Variants in TG observed in about 807,000 individuals in gnomAD.
TG encodes the protein thyroglobulin, also known as thyroid hormones.
Under a neutral mutation model 324.7 loss-of-function variants are expected in TG, and 270 were observed. That is an observed-to-expected ratio of 0.83 (90% CI 0.75 to 0.92). The LOEUF (loss-of-function observed/expected upper bound fraction) is 0.92. Ranked by LOEUF, TG falls within the 40% of genes least tolerant of loss-of-function variation. The probability of loss-of-function intolerance (pLI) is 0.00; values close to 1 mark genes in which losing one functional copy is unlikely to be tolerated. For missense variants in TG, 3,591 were observed against 3,456.4 expected (o/e 1.04, Z -0.98); for synonymous variants, 1,401 against 1,327.0 (o/e 1.06, Z -1.21).
chr8:133,058,592 G>A lies in TG; in HGVS notation c.7239+28569G>A, dbSNP rs576288298. 7.2e-5 allele frequency among the ~76,000 whole-genome samples: 11 copies of A among 152,272 alleles called. 1 individual carries two copies. The South Asian group carries it at 8.3e-4, about 11-fold the overall frequency. ...AGCCTGCCTGGGCTCAGGGCCCTGCGGTGTCAGTTTTCTAGCAGTGGTTAT... is the reference window on the plus strand; with the variant it reads ...AGCCTGCCTGGGCTCAGGGCCCTGCAGTGTCAGTTTTCTAGCAGTGGTTAT... On this transcript the variant is annotated intron_variant, in intron 41 of 47. Transcript: ENST00000220616.
At chr8:132,884,853 A>G (rs1332857372) in intron 8 of TG, among the ~76,000 whole-genome samples, 3 of 152,224 alleles carry the variant, frequency 2.0e-5, no homozygotes, top group East Asian at 1.9e-4. Context: ...CTTTGGTAAC[A>G]CTACATAACA....
chr8:132,881,326 T>G (rs1469530048), intron 5 of TG, among the ~76,000 whole-genome samples: 2 of 152,236 alleles, frequency 1.3e-5, no homozygotes, highest in African/African-American at 4.8e-5. Flanking sequence ...GATTTGTGTT[T>G]TTTTTCAACT....
intron 35 of TG, among the ~76,000 whole-genome samples, chr8:132,987,198 C>G (rs1734602966): frequency 1.3e-5 from 2 of 152,120 alleles, no homozygotes; most frequent in South Asian, 4.1e-4. Context: ...GATTTAAAAG[C>G]ATAGAAATGT....
intron 22 of TG, among the ~76,000 whole-genome samples, chr8:132,925,604 C>T (rs922271705): frequency 1.6e-4 from 24 of 151,106 alleles, no homozygotes; most frequent in Non-Finnish European, 3.4e-4. Context: ...CCCAACATCC[C>T]TCTTCTTGGG....
At chr8:132,993,391 A>G (rs1832569009) in intron 35 of TG, among the ~76,000 whole-genome samples, 1 of 152,214 alleles carries the variant, frequency 6.6e-6, no homozygotes. Flanking sequence ...GCCAGTTTAA[A>G]GAATCTTTCT....
At position 133,131,818 on chromosome 8, in the gene TG, G is replaced by A. The variant is rs753954841; in HGVS notation, c.7869G>A (p.Glu2623=). Residue 2623 remains glutamate (E), a synonymous_variant, in exon 46 of 48, where the codon GAG becomes GAA. Transcript: ENST00000220616. ...APENYGHGSL[E]LLADVQFALG... ...TTTTCCTCTGTTTTCTCAGCCTGGA[G>A]CTGCTGGCGGATGTTCAGTTTGCCT... is the stretch of plus-strand genomic sequence containing the variant. The A allele has an allele frequency of 1.2e-6, 2 of 1,614,162 alleles. No individual in the cohort carries two copies. The highest frequency in any genetic ancestry group is 8.5e-7 in the Non-Finnish European group (1 of 1,180,016).
chr8:133,028,464 A>G (rs1342584096), intron 40 of TG, among the ~76,000 whole-genome samples: 1 of 152,252 alleles, frequency 6.6e-6, no homozygotes, highest in African/African-American at 2.4e-5. Context: ...GGCTGCAGAC[A>G]AGAACACTCT....
chr8:133,001,524 T>A (rs1305635979), intron 35 of TG, among the ~76,000 whole-genome samples: 1 of 152,236 alleles, frequency 6.6e-6, no homozygotes, highest in African/African-American at 2.4e-5. Context: ...TATTTGGTCT[T>A]CCTTCCTTCT....
At chr8:133,039,190 T>A (rs1214283784) in intron 41 of TG, among the ~76,000 whole-genome samples, 3 of 152,238 alleles carry the variant, frequency 2.0e-5, no homozygotes, top group African/African-American at 7.2e-5. Flanking sequence ...TAACTTACTA[T>A]TCTAGTTATT....
chr8:132,922,036 C>T (rs1434856445), intron 21 of TG, among the ~76,000 whole-genome samples: 1 of 152,150 alleles, frequency 6.6e-6, no homozygotes, highest in African/African-American at 2.4e-5. Flanking sequence ...TTATTGAGTA[C>T]CTGCTTTCTG....
intron 43 of TG, among the ~76,000 whole-genome samples, chr8:133,108,612 C>T (rs1265969631): frequency 6.6e-6 from 1 of 152,206 alleles, no homozygotes; most frequent in Non-Finnish European, 1.5e-5. Context: ...TAAGAAGTCG[C>T]ACAGTTACCC....
rs1206597558 is a variant in TG, at chr8:133,128,336, T to TAC, written c.7863-3476_7863-3475insAC. Among the ~76,000 whole-genome samples, 137 of 21,942 alleles carry TAC rather than the reference T, an allele frequency of 6.2e-3. 2 individuals carry two copies. Among genetic ancestry groups the TAC allele is most frequent in the Admixed American group, 0.014 (26 of 1,810 alleles). The allele number at this position is 21,942 out of a possible 152,430, so 14.4% of individuals were successfully genotyped here. A position where few individuals can be genotyped will look rare whatever the true frequency, so the allele number is the denominator to read the frequency against. Reference sequence around the variant, plus strand: ...AATCCTGAAACTGAAACAAAAGGCGTGCACACACACACACACACACACACA... The same window carrying TAC: ...AATCCTGAAACTGAAACAAAAGGCGTACGCACACACACACACACACACACACA... On this transcript the variant is annotated intron_variant, in intron 45 of 47. Transcript: ENST00000220616.
chr8:132,924,738 C>G (rs1821586154), intron 22 of TG, among the ~76,000 whole-genome samples: 1 of 152,180 alleles, frequency 6.6e-6, no homozygotes, highest in Admixed American at 6.5e-5. Context: ...GCAAGTCACT[C>G]ACCCTCAGCA....
rs141316336 is a variant in TG, at chr8:132,929,127, A to G, written c.4751A>G (p.Asn1584Ser). ...VPESKVIFDA[N>S]APVAVRSKVP... ...GAATCAAAGGTGATCTTCGACGCCA[A>G]TGCTCCTGTGGCTGTCAGATCCAAA... Residue 1584 changes from asparagine (N) to serine (S), a missense_variant, in exon 23 of 48, where the codon AAT becomes AGT. Transcript: ENST00000220616. The G allele has an allele frequency of 3.7e-6, 6 of 1,614,026 alleles. No homozygotes were observed. Among genetic ancestry groups the G allele is most frequent in the Non-Finnish European group, 5.1e-6 (6 of 1,180,036 alleles).
At chr8:132,903,882 A>G (rs1180359473) in intron 16 of TG, among the ~76,000 whole-genome samples, 2 of 152,206 alleles carry the variant, frequency 1.3e-5, no homozygotes, top group African/African-American at 2.4e-5. Flanking sequence ...TTGAGTCATT[A>G]TTAGCACTAA....
rs2130246583 is a variant in TG, at chr8:132,956,516, G to A, written c.5402-4492G>A. 2.0e-5 allele frequency among the ~76,000 whole-genome samples: 3 copies of A among 152,324 alleles called. 1 individual carries two copies. The Middle Eastern group carries it at 0.01, about 518-fold the overall frequency. Reference sequence around the variant, plus strand: ...AGGCAGTGATGCAGAACCTGATTCTGAAAGAATGAGTAGAGGTCAATCAAG... The same window carrying A: ...AGGCAGTGATGCAGAACCTGATTCTAAAAGAATGAGTAGAGGTCAATCAAG... On this transcript the variant is annotated intron_variant, in intron 27 of 47. Transcript: ENST00000220616.
At chr8:133,042,844 C>T (rs1365828662) in intron 41 of TG, among the ~76,000 whole-genome samples, 1 of 151,842 alleles carries the variant, frequency 6.6e-6, no homozygotes. Context: ...CAGGCGCCCA[C>T]CACCACACCT....
chr8:133,122,329 A>G (rs1048839004), intron 45 of TG, among the ~76,000 whole-genome samples: 1 of 152,218 alleles, frequency 6.6e-6, no homozygotes, highest in Non-Finnish European at 1.5e-5. Flanking sequence ...TTCTAGTTTC[A>G]GATTCAGATT....
At position 133,035,426 on chromosome 8, in the gene TG, C is replaced by A. The variant is rs180765075; in HGVS notation, c.7239+5403C>A. On this transcript the variant is annotated intron_variant, in intron 41 of 47. Transcript: ENST00000220616. ...AAATTTATTAGTACTTTCTCTGTGA[C>A]CTAATACATTATCCATTTGTTGGCA... 5.2e-3 allele frequency among the ~76,000 whole-genome samples: 791 copies of A among 152,188 alleles called. 3 individuals carry two copies. The highest frequency in any genetic ancestry group is 7.8e-3 in the Non-Finnish European group (531 of 68,002).
Sources: gnomAD v4.1 joint callset for allele counts (sites outside exome capture counted in the v4.1 genomes callset) on GRCh38, gnomAD v4.1.1 for gene constraint, MANE v1.5 for transcripts, NCBI Gene and HGNC (gene_info 2026-07-23, HGNC 2026-07-21) for gene names.